The following TFCP2 variants were observed in gnomAD, a reference collection of about 807,000 sequenced individuals.
TFCP2 encodes the protein alpha-globin transcription factor CP2.
Under a neutral mutation model 73.4 loss-of-function variants are expected in TFCP2, and 33 were observed. That is an observed-to-expected ratio of 0.45 (90% CI 0.34 to 0.60). The LOEUF (loss-of-function observed/expected upper bound fraction) is 0.60. TFCP2 is among the 20% of genes least tolerant of loss of function. TFCP2 has a pLI of 0.01. For missense variants in TFCP2, 352 were observed against 604.0 expected, an observed-to-expected ratio of 0.58 and a Z score of 4.37; for synonymous variants, 193 against 211.6, an observed-to-expected ratio of 0.91 and a Z score of 0.76.
intron 9 of TFCP2, 153 bp downstream of exon 9, chr12:51,104,002 C>A: frequency 1.2e-6 from 1 of 829,838 alleles, no homozygotes; most frequent in Non-Finnish European, 2.0e-6. Context: ...TAGTCCCTAG[C>A]ACAGTATCTG....
At chr12:51,171,452 A>C (rs979817627) in intron 1 of TFCP2, among the ~76,000 whole-genome samples, 11 of 152,164 alleles carry the variant, frequency 7.2e-5, no homozygotes, top group Non-Finnish European at 1.5e-4. Flanking sequence ...ATCTCTGCTC[A>C]CTGCAACCTC....
Position 51,106,559 on chromosome 12 carries a change from T to G in TFCP2, c.883A>C (p.Asn295His). The change falls in exon 8 of 15, where the codon AAC (asparagine) becomes CAC (histidine). Residue 295 changes from asparagine to histidine, a missense_variant. Transcript: ENST00000257915. ...AGAGAAAAACTGCTATGGGAACTGT[T>G]GAAGCCAGGTGATGGGGAGTTATTG... ...YVNNSPSPGF[N>H]SSHSSFSLGE... is the part of the protein sequence containing the mutation. 1 of 1,613,628 alleles carries G rather than the reference T, an allele frequency of 6.2e-7. No homozygotes were observed. The highest frequency in any genetic ancestry group is 8.5e-7 in the Non-Finnish European group (1 of 1,179,796).
intron 2 of TFCP2, 145 bp downstream of exon 2, chr12:51,118,476 A>C: frequency 1.7e-4 from 137 of 825,666 alleles, no homozygotes; most frequent in Non-Finnish European, 2.1e-4. Context: ...AATGGTGTGA[A>C]CCCGGGAGGC....
intron 1 of TFCP2, among the ~76,000 whole-genome samples, chr12:51,160,133 ATT>A (rs372316760): frequency 0.21 from 26,483 of 125,974 alleles, 2,130 homozygotes; most frequent in South Asian, 0.26. Flanking sequence ...TCCTCTCTGA[ATT>A]TTTTTTTTTT....
At chr12:51,118,817 A>T (rs1405224902) in intron 1 of TFCP2, 45 bp from the exon 2 acceptor site, 11 of 1,602,336 alleles carry the variant, frequency 6.9e-6, no homozygotes, top group Non-Finnish European at 9.4e-6. Context: ...GCAATGGTGC[A>T]AACGCAGGTT....
At chr12:51,163,577 G>T (rs569317193) in intron 1 of TFCP2, among the ~76,000 whole-genome samples, 1 of 151,882 alleles carries the variant, frequency 6.6e-6, no homozygotes, top group Non-Finnish European at 1.5e-5. Flanking sequence ...GCAACAGAGC[G>T]AGACTCTGTC....
chr12:51,135,707 A>G (rs11169717), intron 1 of TFCP2, among the ~76,000 whole-genome samples: 17,960 of 151,858 alleles, frequency 0.12, 1,412 homozygotes, highest in African/African-American at 0.23. Context: ...ATGTATTAAT[A>G]AACTAAGATA....
intron 1 of TFCP2, among the ~76,000 whole-genome samples, chr12:51,162,024 A>T (rs1941661093): frequency 6.6e-6 from 1 of 152,154 alleles, no homozygotes; most frequent in African/African-American, 2.4e-5. Flanking sequence ...AAGATACAAG[A>T]GCCAAAATAA....
At chr12:51,143,762 T>C (rs1941235602) in intron 1 of TFCP2, among the ~76,000 whole-genome samples, 1 of 152,132 alleles carries the variant, frequency 6.6e-6, no homozygotes, top group South Asian at 2.1e-4. Flanking sequence ...TGCTAGGCTG[T>C]CTCTTGGAAA....
At chr12:51,154,283 C>T (rs1355349990) in intron 1 of TFCP2, among the ~76,000 whole-genome samples, 2 of 152,014 alleles carry the variant, frequency 1.3e-5, no homozygotes, top group African/African-American at 4.8e-5. Context: ...TATCAAACCC[C>T]GTATAGTGTG....
At chr12:51,157,580 T>G (rs901820851) in intron 1 of TFCP2, among the ~76,000 whole-genome samples, 2 of 152,062 alleles carry the variant, frequency 1.3e-5, no homozygotes, top group Non-Finnish European at 2.9e-5. Context: ...ACATGTGAGC[T>G]GCCATGCCCA....
chr12:51,155,748 T>C (rs1244607773), intron 1 of TFCP2, among the ~76,000 whole-genome samples: 6 of 152,170 alleles, frequency 3.9e-5, no homozygotes, highest in Admixed American at 3.3e-4. Flanking sequence ...TTCTAAGAAA[T>C]GTTAGTCTAT....
At chr12:51,171,752 G>A (rs1024458621) in intron 1 of TFCP2, among the ~76,000 whole-genome samples, 1 of 152,144 alleles carries the variant, frequency 6.6e-6, no homozygotes, top group Non-Finnish European at 1.5e-5. Flanking sequence ...AGTTTTCTTC[G>A]TCACTTTTTC....
At chr12:51,106,470 A>G in intron 8 of TFCP2, 55 bp downstream of exon 8, 1 of 1,316,432 alleles carries the variant, frequency 7.6e-7, no homozygotes. Flanking sequence ...TGAACAGGTA[A>G]TGAAAGAATA....
chr12:51,171,525 G>A (rs1381262858), intron 1 of TFCP2, among the ~76,000 whole-genome samples: 1 of 152,094 alleles, frequency 6.6e-6, no homozygotes, highest in Non-Finnish European at 1.5e-5. Flanking sequence ...TTACAGGCCC[G>A]CGCCACCACA....
intron 5 of TFCP2, 81 bp from the exon 6 acceptor site, chr12:51,109,354 A>G (rs11169708): frequency 0.043 from 63,245 of 1,471,360 alleles, 3,254 homozygotes; most frequent in Admixed American, 0.23. Flanking sequence ...AACTATTAAC[A>G]GCAAAACCTT....
rs1387491001 is a variant in TFCP2, at chr12:51,103,751, T to G, written c.979A>C (p.Thr327Pro). ...TGCTGAGCTTCCTGAGGTGTGGTTG[T>G]TGGTAAGAGGTTCTGAAAGGGAGAG... ...PPPVTDNLLP[T>P]TTPQEAQQWL... The change falls in exon 10 of 15, where the codon ACA becomes CCA. Residue 327 changes from threonine (T) to proline (P), a missense_variant. Around this residue, in one of 6 missense-constraint regions of TFCP2, gnomAD observed 194 missense variants for 256.3 expected, o/e 0.76. Coordinates refer to ENST00000257915, the MANE Select transcript of TFCP2 (RefSeq NM_005653.5). The G allele has an allele frequency of 6.2e-7, 1 of 1,613,588 alleles. No individual in the cohort carries two copies. Among genetic ancestry groups the G allele is most frequent in the Admixed American group, 1.7e-5 (1 of 59,838 alleles).
chr12:51,114,617 A>G (rs1181105507), intron 4 of TFCP2, among the ~76,000 whole-genome samples: 4 of 151,996 alleles, frequency 2.6e-5, no homozygotes, highest in African/African-American at 9.7e-5. Context: ...AAATAAATAA[A>G]TAAATAAATA....
chr12:51,171,566 C>T (rs1408373677), intron 1 of TFCP2, among the ~76,000 whole-genome samples: 1 of 151,698 alleles, frequency 6.6e-6, no homozygotes, highest in Non-Finnish European at 1.5e-5. Context: ...TTAGTAGAGA[C>T]GGGGTTTCAC....
Sources: gnomAD v4.1 joint callset for allele counts (sites outside exome capture counted in the v4.1 genomes callset) on GRCh38, gnomAD v4.1.1 for gene constraint, gnomAD v4.1.1 regional missense constraint, MANE v1.5 for transcripts, NCBI Gene and HGNC (gene_info 2026-07-23, HGNC 2026-07-21) for gene names.